Variants in XRN2 observed in about 807,000 individuals in gnomAD.
XRN2 encodes DHM1-like protein.
Under a neutral mutation model 138.5 loss-of-function variants are expected in XRN2, and 44 were observed. The ratio of observed to expected loss-of-function variants is 0.32; its 90% CI spans 0.25 to 0.41. XRN2 has a LOEUF of 0.41. XRN2 is among the 10% of genes least tolerant of loss of function. XRN2 has a pLI of 1.00. For missense variants in XRN2, 937 were observed against 1,169.3 expected (o/e 0.80, Z 2.90); for synonymous variants, 354 against 369.4 (o/e 0.96, Z 0.48).
intron 24 of XRN2, among the ~76,000 whole-genome samples, chr20:21,362,465 A>G (rs2038648099): frequency 6.6e-6 from 1 of 151,986 alleles, no homozygotes; most frequent in Non-Finnish European, 1.5e-5. Flanking sequence ...CAGCCTTACC[A>G]TTTCATTTAC....
intron 10 of XRN2, 28 bp from the exon 11 acceptor site, chr20:21,333,676 T>C (rs1394435317): frequency 6.2e-7 from 1 of 1,614,106 alleles, no homozygotes; most frequent in East Asian, 2.2e-5. Context: ...TTGATAGCTG[T>C]AATGGCAGCA....
intron 20 of XRN2, among the ~76,000 whole-genome samples, chr20:21,352,383 A>G (rs1443488582): frequency 6.6e-6 from 1 of 151,866 alleles, no homozygotes; most frequent in Non-Finnish European, 1.5e-5. Context: ...GCTGGAGTGC[A>G]GTGACGCGAT....
chr20:21,319,938 C>A (rs1226879221), intron 1 of XRN2, among the ~76,000 whole-genome samples: 1 of 152,000 alleles, frequency 6.6e-6, no homozygotes, highest in East Asian at 1.9e-4. Flanking sequence ...CTTTTTAATT[C>A]AATTAAGAGA....
At chr20:21,334,044 G>A (rs1240114649) in intron 12 of XRN2, 34 bp from the exon 13 acceptor site, 1 of 1,613,840 alleles carries the variant, frequency 6.2e-7, no homozygotes, top group Admixed American at 1.7e-5. Flanking sequence ...GCTTTTATAA[G>A]AAGATCATTT....
intron 20 of XRN2, among the ~76,000 whole-genome samples, chr20:21,351,174 G>GA (rs1394374412): frequency 3.3e-5 from 5 of 152,258 alleles, no homozygotes; most frequent in Non-Finnish European, 7.4e-5. Context: ...TTCTTTCACT[G>GA]ACAGGATATT....
At chr20:21,343,133 A>G (rs2038392900) in intron 15 of XRN2, among the ~76,000 whole-genome samples, 1 of 152,082 alleles carries the variant, frequency 6.6e-6, no homozygotes, top group South Asian at 2.1e-4. Context: ...CTCTCAGTTT[A>G]AAAAAAATTC....
chr20:21,310,336 T>TC (rs1465796035), intron 1 of XRN2, among the ~76,000 whole-genome samples: 1 of 152,238 alleles, frequency 6.6e-6, no homozygotes, highest in African/African-American at 2.4e-5. Flanking sequence ...TCAGACTGGT[T>TC]CAGAATATGG....
chr20:21,331,966 G>A (rs1600686124), intron 8 of XRN2, 148 bp downstream of exon 8: 2 of 897,406 alleles, frequency 2.2e-6, no homozygotes, highest in Non-Finnish European at 3.5e-6. Flanking sequence ...GTATTGAGTT[G>A]CTGTTTAATC....
intron 4 of XRN2, among the ~76,000 whole-genome samples, chr20:21,329,433 C>G (rs1326437106): frequency 6.6e-6 from 1 of 152,098 alleles, no homozygotes; most frequent in Non-Finnish European, 1.5e-5. Flanking sequence ...TATAATAGAC[C>G]AGAAAAGCCA....
At chr20:21,382,211 A>G (rs1383710215) in intron 28 of XRN2, among the ~76,000 whole-genome samples, 154 bp downstream of exon 28, 8 of 152,166 alleles carry the variant, frequency 5.3e-5, no homozygotes, top group African/African-American at 1.7e-4. Flanking sequence ...GAAAATATAT[A>G]GCTAATACTT....
intron 14 of XRN2, among the ~76,000 whole-genome samples, chr20:21,340,029 A>G (rs919208105): frequency 2.6e-5 from 4 of 152,196 alleles, no homozygotes; most frequent in African/African-American, 7.2e-5. Flanking sequence ...TTTTGTCAGT[A>G]TCTTAGTCAG....
At chr20:21,336,010 C>T (rs1196758921) in intron 13 of XRN2, among the ~76,000 whole-genome samples, 1 of 152,128 alleles carries the variant, frequency 6.6e-6, no homozygotes, top group African/African-American at 2.4e-5. Flanking sequence ...AAGTATGTCC[C>T]TGGCATTTGA....
chr20:21,323,877 G>A (rs1408730382), intron 1 of XRN2, among the ~76,000 whole-genome samples: 1 of 152,130 alleles, frequency 6.6e-6, no homozygotes, highest in African/African-American at 2.4e-5. Flanking sequence ...GTTGTTTATG[G>A]TTGCTTTCAC....
chr20:21,357,893 A>C (rs776411901), intron 24 of XRN2, 101 bp downstream of exon 24: 53 of 969,652 alleles, frequency 5.5e-5, no homozygotes, highest in Non-Finnish European at 7.5e-5. Flanking sequence ...GCAGCTGTTA[A>C]TCCACCAATG....
intron 20 of XRN2, among the ~76,000 whole-genome samples, chr20:21,350,395 G>A (rs202852): frequency 0.92 from 139,540 of 151,730 alleles, 64,292 homozygotes; most frequent in Non-Finnish European, 0.95. Flanking sequence ...GTGTGGTGGC[G>A]GGCGCCTGTA....
At chr20:21,304,687 C>G (rs553461715) in intron 1 of XRN2, among the ~76,000 whole-genome samples, 2 of 152,212 alleles carry the variant, frequency 1.3e-5, no homozygotes, top group Admixed American at 1.3e-4. Flanking sequence ...AGCCCTCCCT[C>G]TATACTCTTA....
chr20:21,326,381 C>G lies in XRN2; in HGVS notation c.178C>G (p.His60Asp). The change falls in exon 2 of 30, where the codon CAT becomes GAT. Residue 60 changes from histidine (H) to aspartate (D), a missense_variant. Physicochemically the swap from His to Asp is moderately conservative, Grantham distance 81. Coordinates refer to ENST00000377191, the MANE Select transcript of XRN2 (RefSeq NM_012255.5). ...GTATTTGGATATGAATGGAATCATC[C>G]ATCCCTGTACTCATCCTGAAGACAA... Reference protein sequence around the residue: ...NLYLDMNGIIHPCTHPEDKPA... With the variant: ...NLYLDMNGIIDPCTHPEDKPA... 6.2e-7 allele frequency: 1 copy of G among 1,613,768 alleles called. No individual in the cohort carries two copies. The highest frequency in any genetic ancestry group is 8.5e-7 in the Non-Finnish European group (1 of 1,179,824).
chr20:21,303,767 C>T (rs1411978832), intron 1 of XRN2: 1 of 1,176,626 alleles, frequency 8.5e-7, no homozygotes, highest in Non-Finnish European at 1.0e-6. Flanking sequence ...AGGCCCCGCC[C>T]ACTGCTTTGT....
At chr20:21,334,511 G>A (rs889113576) in intron 13 of XRN2, among the ~76,000 whole-genome samples, 7 of 152,108 alleles carry the variant, frequency 4.6e-5, no homozygotes, top group East Asian at 1.9e-4. Flanking sequence ...TGAACTAGTG[G>A]CTGTCATGTT....
Sources: allele counts gnomAD v4.1 joint callset (sites outside exome capture counted in the v4.1 genomes callset), GRCh38; gene constraint gnomAD v4.1.1; transcripts MANE v1.5; gene names NCBI Gene and HGNC (gene_info 2026-07-23, HGNC 2026-07-21).